Variants in SLC44A2 observed in about 807,000 individuals in gnomAD.
SLC44A2 encodes solute carrier family 44 member 2 (CTL2 blood group).
In SLC44A2, 57 loss-of-function variants were observed where a neutral mutation model predicts 90.8. The observed-to-expected ratio is 0.63, with a 90% CI of 0.51 to 0.78. The LOEUF (loss-of-function observed/expected upper bound fraction) is 0.78. Ranked by LOEUF, SLC44A2 falls within the 30% of genes least tolerant of loss-of-function variation. The pLI, the probability that SLC44A2 is intolerant of heterozygous loss-of-function variation, is 0.00. For missense variants in SLC44A2, 794 were observed against 919.7 expected, an observed-to-expected ratio of 0.86 and a Z score of 1.77; for synonymous variants, 355 against 360.7, an observed-to-expected ratio of 0.98 and a Z score of 0.18.
chr19:10,640,055 AAATTATTTAAT>A (rs2067098694), intron 20 of SLC44A2, among the ~76,000 whole-genome samples: 1 of 150,694 alleles, frequency 6.6e-6, no homozygotes, highest in African/African-American at 2.4e-5. Context: ...AATCTTGGGC[AAATTATTTAAT>A]CCTCTAAGGT....
chr19:10,614,319 C>T (rs79901027), intron 1 of SLC44A2, among the ~76,000 whole-genome samples: 10,665 of 151,936 alleles, frequency 0.07, 418 homozygotes, highest in Middle Eastern at 0.12. Context: ...GTTACAGCAA[C>T]GAAAGGAAAT....
chr19:10,642,473 A>C, intron 21 of SLC44A2, 22 bp downstream of exon 21: 1 of 1,609,176 alleles, frequency 6.2e-7, no homozygotes, highest in Non-Finnish European at 8.5e-7. Context: ...CTCACCCCAA[A>C]CCTTGCTGGG....
intron 10 of SLC44A2, among the ~76,000 whole-genome samples, chr19:10,633,027 CT>C (rs904986245): frequency 2.2e-4 from 34 of 151,942 alleles, no homozygotes; most frequent in African/African-American, 7.7e-4. Context: ...AGTTGGCAAA[CT>C]AAATGACAAG....
upstream of SLC44A2, among the ~76,000 whole-genome samples, chr19:10,623,785 G>A (rs1206172212): frequency 6.6e-6 from 1 of 151,810 alleles, no homozygotes; most frequent in East Asian, 1.9e-4. Context: ...TACCTCCCAG[G>A]TTCAAACGAT....
chr19:10,615,038 C>CAT (rs2066844710), intron 1 of SLC44A2, among the ~76,000 whole-genome samples: 6 of 143,392 alleles, frequency 4.2e-5, no homozygotes, highest in African/African-American at 1.0e-4. Flanking sequence ...AAAGTAATTG[C>CAT]GTTTTTTTTT....
intron 1 of SLC44A2, among the ~76,000 whole-genome samples, chr19:10,605,861 G>T (rs1296027766): frequency 6.6e-6 from 1 of 151,686 alleles, no homozygotes. Context: ...AAGCATGGTG[G>T]TGCACATCTG....
At chr19:10,639,689 G>C (rs114662268) in intron 20 of SLC44A2, among the ~76,000 whole-genome samples, 3,973 of 152,190 alleles carry the variant, frequency 0.026, 164 homozygotes, top group African/African-American at 0.091. Flanking sequence ...GACTAGCCTT[G>C]CCAGCATGGC....
chr19:10,610,135 G>A (rs1599569191), intron 1 of SLC44A2, among the ~76,000 whole-genome samples: 1 of 151,592 alleles, frequency 6.6e-6, no homozygotes, highest in Non-Finnish European at 1.5e-5. Flanking sequence ...TTGTTGGGTG[G>A]TGGCCTGTTT....
At chr19:10,637,095 C>T (rs2067065760) in intron 16 of SLC44A2, 1 of 254,480 alleles carries the variant, frequency 3.9e-6, no homozygotes, top group Non-Finnish European at 7.6e-6. Flanking sequence ...GTGACTCACG[C>T]CTGTAATCCC....
intron 1 of SLC44A2, among the ~76,000 whole-genome samples, chr19:10,619,149 G>A (rs985935069): frequency 6.6e-6 from 1 of 151,330 alleles, no homozygotes; most frequent in African/African-American, 2.4e-5. Flanking sequence ...AAAAATTTTG[G>A]CCGGGCACAG....
At chr19:10,610,207 A>AT (rs1918243852) in intron 1 of SLC44A2, among the ~76,000 whole-genome samples, 4 of 151,940 alleles carry the variant, frequency 2.6e-5, no homozygotes, top group African/African-American at 9.7e-5. Context: ...AAAAAGAAAA[A>AT]AAAATATATA....
At chr19:10,608,038 C>T (rs143440430) in intron 1 of SLC44A2, among the ~76,000 whole-genome samples, 9,920 of 151,874 alleles carry the variant, frequency 0.065, 378 homozygotes, top group Middle Eastern at 0.13. Context: ...TGAGCCACTG[C>T]GCCCAGCCAC....
At chr19:10,639,837 C>T (rs1568455911) in intron 20 of SLC44A2, among the ~76,000 whole-genome samples, 2 of 151,918 alleles carry the variant, frequency 1.3e-5, no homozygotes, top group East Asian at 3.9e-4. Context: ...GCCGAGATCG[C>T]GCCACTGCAC....
chr19:10,631,595 C>T (rs1252898559), intron 7 of SLC44A2, 31 bp from the exon 8 acceptor site: 4 of 1,613,956 alleles, frequency 2.5e-6, no homozygotes, highest in African/African-American at 1.3e-5. Context: ...AGAGGCTCAG[C>T]CTGACTGGTG....
rs190043427 is a variant in SLC44A2 at position 10,614,827 on chromosome 19, C to T, written c.32-11426C>T. 3.3e-5 allele frequency among the ~76,000 whole-genome samples: 5 copies of T among 151,372 alleles called. No homozygotes were observed. In the East Asian group the frequency reaches 9.8e-4, roughly 30 times the overall value. On this transcript the variant is annotated intron_variant, in intron 1 of 21. Transcript: ENST00000407327. ...CTCTATTAAAAATACAAAAATTAGC[C>T]GGACATGGTGGTGCGTGCCTGTAAT...
chr19:10,631,819 C>A, intron 8 of SLC44A2, 49 bp from the exon 9 acceptor site: 1 of 1,614,090 alleles, frequency 6.2e-7, no homozygotes, highest in Non-Finnish European at 8.5e-7. Context: ...CTGTGGTTGG[C>A]CTGATCATGG....
chr19:10,610,985 T>C lies in SLC44A2; in HGVS notation c.31+8424T>C, dbSNP rs150509084. Among the ~76,000 whole-genome samples the C allele has an allele frequency of 7.6e-4, 116 of 151,634 alleles. 2 individuals are homozygous for C. The highest frequency in any genetic ancestry group is 7.4e-3 in the Admixed American group (112 of 15,156). On this transcript the variant is annotated intron_variant, in intron 1 of 21. Coordinates refer to the SLC44A2 transcript ENST00000407327. The stretch of plus-strand genomic sequence containing the variant: ...TCCCAATCGATCCCCAAGGTGAACA[T>C]GATATTTATTTATTTATTTTTAATT...
Position 10,636,705 on chromosome 19 carries a change from A to T in SLC44A2, c.1540A>T (p.Ile514Phe). 6.2e-7 allele frequency: 1 copy of T among 1,613,724 alleles called. No homozygotes were observed. Among genetic ancestry groups the T allele is most frequent in the Non-Finnish European group, 8.5e-7 (1 of 1,179,934 alleles). The change falls in exon 16 of 22, where the codon ATT becomes TTT. Residue 514 changes from isoleucine to phenylalanine, a missense_variant. Physicochemically the swap from Ile to Phe is conservative, Grantham distance 21 (BLOSUM62 0). Around this residue, in one of 3 missense-constraint regions of SLC44A2, gnomAD observed 738 missense variants for 841.1 expected, o/e 0.88. Coordinates refer to ENST00000335757, the MANE Select transcript of SLC44A2 (RefSeq NM_020428.4). ...GGCCTTTGGCGCGCTCATCCTGGCCATTGTGCAGATCATCCGTGTGATACT... is the reference window on the plus strand; with the variant it reads ...GGCCTTTGGCGCGCTCATCCTGGCCTTTGTGCAGATCATCCGTGTGATACT... The part of the protein sequence containing the change: ...SLAFGALILA[I>F]VQIIRVILEY...
chr19:10,639,349 T>C (rs2067092155), intron 20 of SLC44A2, among the ~76,000 whole-genome samples: 1 of 151,936 alleles, frequency 6.6e-6, no homozygotes, highest in Admixed American at 6.6e-5. Flanking sequence ...ATGATATTGG[T>C]GAATGTATGA....
Sources: allele counts gnomAD v4.1 joint callset (sites outside exome capture counted in the v4.1 genomes callset), GRCh38; gene constraint gnomAD v4.1.1; regional missense constraint gnomAD v4.1.1; transcripts MANE v1.5; gene names NCBI Gene and HGNC (gene_info 2026-07-23, HGNC 2026-07-21).